Variants in SRGAP1 observed in about 807,000 individuals in gnomAD.
The protein encoded by SRGAP1 is SLIT-ROBO Rho GTPase activating protein 1.
SRGAP1 carries 43 observed loss-of-function variants against 121.9 expected under a neutral mutation model. The observed-to-expected ratio is 0.35, with a 90% CI of 0.28 to 0.46. The LOEUF is 0.46. Among genes scored for constraint, SRGAP1 ranks in the 20% least tolerant of loss-of-function variants. The probability of loss-of-function intolerance (pLI) is 1.00; values close to 1 mark genes in which losing one functional copy is unlikely to be tolerated. For synonymous variants in SRGAP1, 447 were observed against 485.4 expected, an observed-to-expected ratio of 0.92 and a Z score of 1.04; for missense variants, 1,102 against 1,350.9, an observed-to-expected ratio of 0.82 and a Z score of 2.89.
intron 4 of SRGAP1, among the ~76,000 whole-genome samples, chr12:64,020,947 CAA>C (rs11379937): frequency 2.7e-4 from 36 of 131,256 alleles, no homozygotes; most frequent in African/African-American, 3.1e-4. Flanking sequence ...TTCTGTCTCA[CAA>C]AAAAAAAAAA....
chr12:63,947,111 A>G (rs538049023), intron 1 of SRGAP1, among the ~76,000 whole-genome samples: 5 of 152,322 alleles, frequency 3.3e-5, no homozygotes, highest in Non-Finnish European at 5.9e-5. Flanking sequence ...TTTGTGTACA[A>G]GTCATTATGT....
chr12:64,041,849 G>A (rs1166391240), intron 4 of SRGAP1, among the ~76,000 whole-genome samples: 1 of 146,506 alleles, frequency 6.8e-6, no homozygotes, highest in South Asian at 2.2e-4. Flanking sequence ...ATCTTTGATT[G>A]CTTTTTATTT....
At chr12:64,042,756 A>T in intron 4 of SRGAP1, 34 bp from the exon 5 acceptor site, 3 of 1,566,036 alleles carry the variant, frequency 1.9e-6, no homozygotes, top group Non-Finnish European at 2.6e-6. Context: ...TGACAGACAG[A>T]CATCTTGTAA....
intron 1 of SRGAP1, among the ~76,000 whole-genome samples, chr12:63,935,501 A>T (rs1219426858): frequency 6.6e-6 from 1 of 152,204 alleles, no homozygotes. Context: ...AATTATATTT[A>T]ATCTACATAG....
chr12:64,050,938 G>C (rs1048969552), intron 6 of SRGAP1, among the ~76,000 whole-genome samples: 2 of 152,118 alleles, frequency 1.3e-5, no homozygotes, highest in Non-Finnish European at 2.9e-5. Flanking sequence ...TGGCCAGGCT[G>C]GTTTCGAACT....
chr12:63,847,639 T>C (rs1898944796), intron 1 of SRGAP1, among the ~76,000 whole-genome samples: 1 of 151,836 alleles, frequency 6.6e-6, no homozygotes, highest in African/African-American at 2.4e-5. Context: ...CCAGCTACCC[T>C]GGAGGCTGAG....
intron 3 of SRGAP1, among the ~76,000 whole-genome samples, chr12:64,002,829 T>G (rs2033943840): frequency 6.6e-6 from 1 of 152,106 alleles, no homozygotes; most frequent in African/African-American, 2.4e-5. Flanking sequence ...ATTCTGTATA[T>G]GGTTTAAACA....
At chr12:64,000,240 GT>G (rs1857702438) in intron 3 of SRGAP1, among the ~76,000 whole-genome samples, 3 of 11,374 alleles carry the variant, frequency 2.6e-4, no homozygotes, top group South Asian at 1.2e-3. Context: ...AAAGGTAGGG[GT>G]GTGTGTGTGT....
Position 63,993,700 on chromosome 12 carries a change from A to C in SRGAP1, c.426+3628A>C, listed in dbSNP as rs912168708. 5.3e-5 allele frequency among the ~76,000 whole-genome samples: 8 copies of C among 152,206 alleles called. No individual in the cohort carries two copies. The East Asian group carries it at 1.5e-3, about 29-fold the overall frequency. ...TAAGGAGTTTGGAGCAGGTAATTTC[A>C]GGAATTTTTTTCTGTCTAAATGGAT... is the stretch of plus-strand genomic sequence containing the variant. On this transcript the variant is annotated intron_variant, in intron 3 of 21. Transcript: ENST00000355086.
chr12:63,955,955 G>A (rs1175295177), intron 1 of SRGAP1, among the ~76,000 whole-genome samples: 2 of 152,094 alleles, frequency 1.3e-5, no homozygotes, highest in South Asian at 2.1e-4. Context: ...AAAAGGCTCC[G>A]TCCGAAAGTG....
At chr12:63,962,142 C>T (rs190612711) in intron 1 of SRGAP1, among the ~76,000 whole-genome samples, 2 of 152,234 alleles carry the variant, frequency 1.3e-5, no homozygotes, top group Admixed American at 1.3e-4. Flanking sequence ...TAGATATTGA[C>T]AATTGTGTGT....
chr12:64,069,733 G>A (rs903305014), intron 8 of SRGAP1, among the ~76,000 whole-genome samples: 1 of 152,124 alleles, frequency 6.6e-6, no homozygotes, highest in Non-Finnish European at 1.5e-5. Flanking sequence ...CACAATCACT[G>A]CAGCCTCAAC....
chr12:63,989,974 G>A lies in SRGAP1; in HGVS notation c.328G>A (p.Glu110Lys). The A allele has an allele frequency of 6.2e-7, 1 of 1,613,858 alleles. No homozygotes were observed. The highest frequency in any genetic ancestry group is 2.2e-5 in the East Asian group (1 of 44,878). ...WYLLLNQVRRESKDHATLSDI... is the reference protein window; with the variant it reads ...WYLLLNQVRRKSKDHATLSDI... ...TTTGCTCCTGAACCAAGTAAGGAGA[G>A]AAAGCAAAGACCATGCAACCTTGAG... The change falls in exon 3 of 22, where the codon GAA (glutamate) becomes AAA (lysine). Residue 110 changes from glutamate to lysine, a missense_variant. By Grantham distance (56) the Glu-to-Lys change is moderately conservative. Around this residue, in one of 3 missense-constraint regions of SRGAP1, gnomAD observed 747 missense variants for 929.4 expected, o/e 0.80. Coordinates refer to ENST00000355086, the MANE Select transcript of SRGAP1 (RefSeq NM_020762.4).
At chr12:63,892,293 G>A (rs938430075) in intron 1 of SRGAP1, among the ~76,000 whole-genome samples, 1 of 151,936 alleles carries the variant, frequency 6.6e-6, no homozygotes, top group Non-Finnish European at 1.5e-5. Context: ...ATCTCAAATA[G>A]GGCTAATGAA....
chr12:63,927,892 C>A (rs192334544), intron 1 of SRGAP1, among the ~76,000 whole-genome samples: 7 of 152,174 alleles, frequency 4.6e-5, no homozygotes, highest in African/African-American at 9.6e-5. Context: ...TTGATTCTTA[C>A]AATAGGACTT....
intron 21 of SRGAP1, among the ~76,000 whole-genome samples, chr12:64,137,952 T>TAA (rs142595703): frequency 0.023 from 3,223 of 138,910 alleles, 70 homozygotes; most frequent in African/African-American, 0.053. Context: ...TAATTGTGCT[T>TAA]AAAAAAAAAA....
At chr12:64,094,825 A>T (rs1038136947) in intron 12 of SRGAP1, 107 bp from the exon 13 acceptor site, 2 of 1,096,386 alleles carry the variant, frequency 1.8e-6, no homozygotes, top group African/African-American at 1.6e-5. Flanking sequence ...GGTTTGCTCC[A>T]GAACTGCAAA....
rs547429536 is a variant in SRGAP1, at chr12:63,996,456, T to C, written c.426+6384T>C. Among the ~76,000 whole-genome samples, 4 of 152,212 alleles carry C rather than the reference T, an allele frequency of 2.6e-5. No individual in the cohort carries two copies. In the East Asian group the frequency reaches 7.7e-4, roughly 29 times the overall value. On this transcript the variant is annotated intron_variant, in intron 3 of 21. Transcript: ENST00000355086. ...ATTTTTTTTCTTATGCTACATTTTT[T>C]GAAGTAGAATTATCAAGTCAGAGGG...
At chr12:64,041,132 TAAAGCAA>T (rs1279725815) in intron 4 of SRGAP1, among the ~76,000 whole-genome samples, 2 of 152,078 alleles carry the variant, frequency 1.3e-5, no homozygotes, top group Non-Finnish European at 2.9e-5. Context: ...CACAACTTTA[TAAAGCAA>T]ATAGTTGAAA....
Sources: gnomAD v4.1 joint callset for allele counts (sites outside exome capture counted in the v4.1 genomes callset) on GRCh38, gnomAD v4.1.1 for gene constraint, gnomAD v4.1.1 regional missense constraint, MANE v1.5 for transcripts, NCBI Gene and HGNC (gene_info 2026-07-23, HGNC 2026-07-21) for gene names.